Variants in DIAPH1 observed in about 807,000 individuals in gnomAD.
DIAPH1 encodes protein diaphanous homolog 1.
A neutral mutation model predicts 140.7 loss-of-function variants in DIAPH1; 46 were observed. The observed-to-expected ratio is 0.33, with a 90% CI of 0.26 to 0.42. The LOEUF is 0.42. Ranked by LOEUF, DIAPH1 falls within the 10% of genes least tolerant of loss-of-function variation. The pLI is 1.00. For missense variants in DIAPH1, 1,310 were observed against 1,558.7 expected (o/e 0.84, Z 2.69); for synonymous variants, 565 against 551.6 (o/e 1.02, Z -0.34).
chr5:141,601,299 C>T (rs1267143403), intron 1 of DIAPH1, among the ~76,000 whole-genome samples: 1 of 151,000 alleles, frequency 6.6e-6, no homozygotes, highest in East Asian at 1.9e-4. Context: ...AAGAACTACT[C>T]CCTCTTTTTT....
intron 24 of DIAPH1, among the ~76,000 whole-genome samples, chr5:141,526,864 T>C (rs2099887410): frequency 5.4e-5 from 1 of 18,688 alleles, no homozygotes; most frequent in Non-Finnish European, 9.5e-5. Flanking sequence ...GCCCAGCTGA[T>C]TTTTTTGTAT....
intron 18 of DIAPH1, chr5:141,564,394 T>C (rs2099894061): frequency 6.6e-6 from 1 of 152,236 alleles, no homozygotes; most frequent in Non-Finnish European, 1.5e-5. Flanking sequence ...GGGATCCATG[T>C]GCCATCTGGT....
At chr5:141,526,527 A>C (rs2099887348) in intron 24 of DIAPH1, 66 bp from the exon 25 acceptor site, 71 of 1,598,440 alleles carry the variant, frequency 4.4e-5, no homozygotes, top group Non-Finnish European at 6.1e-5. Context: ...TAGCCCAAGG[A>C]ATTACTCAAA....
chr5:141,601,833 C>T (rs2154597107), intron 1 of DIAPH1, among the ~76,000 whole-genome samples: 1 of 152,308 alleles, frequency 6.6e-6, no homozygotes, highest in South Asian at 2.1e-4. Flanking sequence ...TGACAGTACA[C>T]TATGATTGTT....
At chr5:141,569,162 G>A (rs1459634846) in intron 18 of DIAPH1, among the ~76,000 whole-genome samples, 1 of 152,088 alleles carries the variant, frequency 6.6e-6, no homozygotes, top group African/African-American at 2.4e-5. Context: ...AGCTTTCAGA[G>A]GCTCTTAGGG....
Position 141,555,161 on chromosome 5 carries a change from T to C in DIAPH1, c.2482+16267A>G, listed in dbSNP as rs140070363. Among the ~76,000 whole-genome samples the C allele has an allele frequency of 7.7e-3, 1,169 of 152,332 alleles. 21 individuals are homozygous for C. Among genetic ancestry groups the C allele is most frequent in the African/African-American group, 0.027 (1,111 of 41,574 alleles). On this transcript the variant is annotated intron_variant, in intron 18 of 27. Transcript: ENST00000389054. The stretch of plus-strand genomic sequence containing the variant: ...TCTGATTACAACCATGTAAATGCTA[T>C]ATATACAGCACAGGCAAAGACTACA...
At chr5:141,547,551 A>G (rs1253702406) in intron 18 of DIAPH1, among the ~76,000 whole-genome samples, 2 of 152,154 alleles carry the variant, frequency 1.3e-5, no homozygotes, top group Non-Finnish European at 2.9e-5. Context: ...AGCTCAACAG[A>G]TGGGTTTAAC....
chr5:141,546,962 G>C (rs1328796873), intron 18 of DIAPH1, among the ~76,000 whole-genome samples: 1 of 152,186 alleles, frequency 6.6e-6, no homozygotes, highest in Non-Finnish European at 1.5e-5. Flanking sequence ...CAATGCCTGG[G>C]CATTTAATCA....
At chr5:141,524,110 G>C (rs372719841) in intron 27 of DIAPH1, 33 bp downstream of exon 27, 2 of 1,599,180 alleles carry the variant, frequency 1.3e-6, no homozygotes, top group South Asian at 2.2e-5. Flanking sequence ...CACCCCCTTC[G>C]ACACCCAGGA....
chr5:141,533,668 G>A (rs906952852), intron 19 of DIAPH1, among the ~76,000 whole-genome samples: 7 of 151,970 alleles, frequency 4.6e-5, no homozygotes, highest in African/African-American at 7.3e-5. Flanking sequence ...GCAACATAGC[G>A]AGACCCCTTC....
chr5:141,529,100 C>T, intron 21 of DIAPH1, 72 bp downstream of exon 21: 1 of 1,544,970 alleles, frequency 6.5e-7, no homozygotes, highest in South Asian at 1.1e-5. Context: ...GGAGCATATG[C>T]CCAGGCTGCT....
rs372261791 is a variant in DIAPH1 at position 141,618,472 on chromosome 5, G to A, written c.117+326C>T. On this transcript the variant is annotated intron_variant, in intron 1 of 27. Transcript: ENST00000389054. ...AAAAGAGGAGGCGTGTTCGGGTACTGGAGGAAGAAGAAAGGAAGTGAGGCT... is the reference window on the plus strand; with the variant it reads ...AAAAGAGGAGGCGTGTTCGGGTACTAGAGGAAGAAGAAAGGAAGTGAGGCT... The A allele has an allele frequency of 9.8e-5, 25 of 254,458 alleles. No homozygotes were observed. The East Asian group carries it at 1.4e-3, about 14-fold the overall frequency. 15.8% of individuals were successfully genotyped at this position (254,458 alleles called of 1,614,324 possible). A position where few individuals can be genotyped will look rare whatever the true frequency, so the allele number is the denominator to read the frequency against.
At chr5:141,608,616 C>A (rs2099901314) in intron 1 of DIAPH1, among the ~76,000 whole-genome samples, 1 of 152,196 alleles carries the variant, frequency 6.6e-6, no homozygotes, top group African/African-American at 2.4e-5. Flanking sequence ...AGGAAATCAA[C>A]AGAAACTCTT....
chr5:141,589,629 A>G (rs1427133689), intron 1 of DIAPH1, among the ~76,000 whole-genome samples: 4 of 99,268 alleles, frequency 4.0e-5, no homozygotes, highest in Admixed American at 1.7e-4. Flanking sequence ...ATGTCAAAAC[A>G]GTGGTTACTT....
chr5:141,567,635 C>T (rs2154596100), intron 18 of DIAPH1, among the ~76,000 whole-genome samples: 1 of 152,288 alleles, frequency 6.6e-6, no homozygotes, highest in Middle Eastern at 3.4e-3. Context: ...CAAAACCTTG[C>T]TGCTAAAGGT....
intron 24 of DIAPH1, among the ~76,000 whole-genome samples, 159 bp from the exon 25 acceptor site, chr5:141,526,620 T>C (rs963573566): frequency 9.2e-5 from 14 of 152,146 alleles, no homozygotes; most frequent in African/African-American, 1.9e-4. Flanking sequence ...TACCCCTAAA[T>C]AGGGGAATAG....
intron 8 of DIAPH1, 45 bp downstream of exon 8, chr5:141,580,699 T>C (rs781148791): frequency 2.5e-6 from 4 of 1,606,852 alleles, no homozygotes; most frequent in Non-Finnish European, 3.4e-6. Flanking sequence ...TAAGAGAAAA[T>C]GATAAAATTG....
In DIAPH1 at chr5:141,529,657, A is replaced by C; in HGVS notation, c.2622T>G (p.Ile874Met). 1.2e-6 allele frequency: 2 copies of C among 1,614,160 alleles called. No individual in the cohort carries two copies. The highest frequency in any genetic ancestry group is 1.7e-6 in the Non-Finnish European group (2 of 1,180,032). Residue 874 changes from isoleucine to methionine, a missense_variant, in exon 20 of 28, where the codon ATT becomes ATG. This residue lies in a region of DIAPH1 where 344 missense variants were observed against 512.2 expected (regional missense o/e 0.67). Transcript: ENST00000389054. Reference protein sequence around the residue: ...LGSFRMPYQEIKNVILEVNEA... With the variant: ...LGSFRMPYQEMKNVILEVNEA... ...CATTCACCTCCAGGATGACATTCTT[A>C]ATCTCTTGATAGGGCATGCGGAAGG...
chr5:141,530,039 G>A (rs189479632), intron 19 of DIAPH1, among the ~76,000 whole-genome samples: 5 of 152,154 alleles, frequency 3.3e-5, no homozygotes, highest in African/African-American at 7.2e-5. Context: ...AGCTGTGACC[G>A]CACCACTGCA....
Sources: allele counts gnomAD v4.1 joint callset (sites outside exome capture counted in the v4.1 genomes callset), GRCh38; gene constraint gnomAD v4.1.1; regional missense constraint gnomAD v4.1.1; transcripts MANE v1.5; gene names NCBI Gene and HGNC (gene_info 2026-07-23, HGNC 2026-07-21).